The following ATP8A1 variants were observed in gnomAD, a reference collection of about 807,000 sequenced individuals.
ATP8A1 encodes phospholipid-transporting ATPase IA.
ATP8A1 carries 90 observed loss-of-function variants against 177.7 expected under a neutral mutation model. That is an observed-to-expected ratio of 0.51 (90% CI 0.43 to 0.60). The LOEUF (loss-of-function observed/expected upper bound fraction) is 0.60, where lower values mean the gene tolerates loss of function less well. Ranked by LOEUF, ATP8A1 falls within the 20% of genes least tolerant of loss-of-function variation. The probability of loss-of-function intolerance (pLI) is 0.00; values close to 1 mark genes in which losing one functional copy is unlikely to be tolerated. For missense variants in ATP8A1, 1,072 were observed against 1,392.8 expected (o/e 0.77, Z 3.67); for synonymous variants, 493 against 485.9 (o/e 1.01, Z -0.19).
chr4:42,466,182 G>A (rs1352328147), intron 25 of ATP8A1, among the ~76,000 whole-genome samples: 1 of 151,904 alleles, frequency 6.6e-6, no homozygotes. Flanking sequence ...CTAACAAACA[G>A]TTAAGCTAAT....
chr4:42,498,899 C>T (rs1236052037), intron 24 of ATP8A1, among the ~76,000 whole-genome samples: 5 of 152,150 alleles, frequency 3.3e-5, no homozygotes, highest in African/African-American at 1.2e-4. Flanking sequence ...CCAGTGCCGC[C>T]GAGCTACCTG....
intron 8 of ATP8A1, among the ~76,000 whole-genome samples, chr4:42,587,744 C>A (rs1733770845): frequency 6.6e-6 from 1 of 151,738 alleles, no homozygotes; most frequent in African/African-American, 2.4e-5. Flanking sequence ...GTAGCTGGTA[C>A]TACAGGCGCC....
At chr4:42,653,803 T>C (rs1292642659) in intron 1 of ATP8A1, among the ~76,000 whole-genome samples, 2 of 152,240 alleles carry the variant, frequency 1.3e-5, no homozygotes, top group Non-Finnish European at 2.9e-5. Flanking sequence ...CTTTGTAATC[T>C]GGCAGTAATC....
chr4:42,537,452 A>G (rs1727966178), intron 20 of ATP8A1, among the ~76,000 whole-genome samples: 1 of 152,146 alleles, frequency 6.6e-6, no homozygotes, highest in African/African-American at 2.4e-5. Flanking sequence ...AAGGGAATCC[A>G]AACTGATAAA....
intron 25 of ATP8A1, among the ~76,000 whole-genome samples, chr4:42,483,616 C>A (rs576478396): frequency 1.3e-5 from 2 of 152,110 alleles, no homozygotes; most frequent in Non-Finnish European, 2.9e-5. Flanking sequence ...ACAAGGATTT[C>A]GGGAGGGAAT....
intron 25 of ATP8A1, among the ~76,000 whole-genome samples, chr4:42,478,050 G>C (rs2153187338): frequency 6.6e-6 from 1 of 152,124 alleles, no homozygotes; most frequent in African/African-American, 2.4e-5. Context: ...TCAAAAACAT[G>C]TAGAAAAATA....
intron 33 of ATP8A1, among the ~76,000 whole-genome samples, chr4:42,440,335 GT>G (rs35291607): frequency 0.042 from 5,652 of 135,412 alleles, 160 homozygotes; most frequent in African/African-American, 0.074. Flanking sequence ...AGCTCCTCCA[GT>G]TTTTTTTTTT....
At chr4:42,577,448 T>C (rs983377225) in intron 12 of ATP8A1, among the ~76,000 whole-genome samples, 11 of 152,146 alleles carry the variant, frequency 7.2e-5, no homozygotes, top group South Asian at 6.2e-4. Context: ...CAAAAGTATG[T>C]CATATTTTTC....
At chr4:42,421,801 T>C (rs1329718372) in intron 35 of ATP8A1, among the ~76,000 whole-genome samples, 1 of 152,128 alleles carries the variant, frequency 6.6e-6, no homozygotes, top group Non-Finnish European at 1.5e-5. Flanking sequence ...TTTAGTATGA[T>C]AAAAATGAAG....
chr4:42,613,662 C>T (rs1736600454), intron 5 of ATP8A1, among the ~76,000 whole-genome samples: 1 of 152,110 alleles, frequency 6.6e-6, no homozygotes, highest in East Asian at 1.9e-4. Context: ...TGGCTCACTG[C>T]AACCTCCGCC....
At chr4:42,460,928 CAAT>C (rs1719059051) in intron 27 of ATP8A1, among the ~76,000 whole-genome samples, 1 of 152,058 alleles carries the variant, frequency 6.6e-6, no homozygotes, top group Non-Finnish European at 1.5e-5. Context: ...TAGCTTCTGA[CAAT>C]AAGAAGGCAA....
chr4:42,423,633 C>G lies in ATP8A1; in HGVS notation c.3196G>C (p.Asp1066His), dbSNP rs1311293090. 6.2e-7 allele frequency: 1 copy of G among 1,611,560 alleles called. No homozygotes were observed. The highest frequency in any genetic ancestry group is 8.5e-7 in the Non-Finnish European group (1 of 1,178,596). The change falls in exon 34 of 37, where the codon GAT becomes CAT. Residue 1066 changes from aspartate to histidine, a missense_variant. Asp to His is a moderately conservative substitution (Grantham distance 81, BLOSUM62 -1). Coordinates refer to ENST00000381668, the MANE Select transcript of ATP8A1 (RefSeq NM_006095.2). ...TATACTTACACCTTGTACACCACAT[C>G]AAGGAGCAGAGATGCCACAGGGATG... Reference protein sequence around the residue: ...LFIPVASLLLDVVYKVIKRTA... With the variant: ...LFIPVASLLLHVVYKVIKRTA...
chr4:42,535,346 C>G (rs183737508), intron 20 of ATP8A1, among the ~76,000 whole-genome samples: 1 of 152,130 alleles, frequency 6.6e-6, no homozygotes, highest in Admixed American at 6.5e-5. Context: ...AAACATAAAG[C>G]AACAGCAGTA....
At chr4:42,594,113 T>A (rs888122948) in intron 6 of ATP8A1, among the ~76,000 whole-genome samples, 1 of 152,120 alleles carries the variant, frequency 6.6e-6, no homozygotes, top group Admixed American at 6.5e-5. Flanking sequence ...TTATTCTATA[T>A]GGCAAACATG....
chr4:42,504,540 C>T (rs1724174469), intron 23 of ATP8A1, among the ~76,000 whole-genome samples: 1 of 152,216 alleles, frequency 6.6e-6, no homozygotes, highest in African/African-American at 2.4e-5. Flanking sequence ...CATCAAGAAC[C>T]TAACAACTTC....
chr4:42,593,875 T>A (rs1023143168), intron 6 of ATP8A1, among the ~76,000 whole-genome samples: 1 of 152,068 alleles, frequency 6.6e-6, no homozygotes, highest in East Asian at 1.9e-4. Flanking sequence ...GAATCATTCA[T>A]CCATTTTTTT....
At chr4:42,445,580 G>T (rs1394730245) in intron 31 of ATP8A1, among the ~76,000 whole-genome samples, 1 of 152,212 alleles carries the variant, frequency 6.6e-6, no homozygotes, top group African/African-American at 2.4e-5. Flanking sequence ...ATCAATAAAT[G>T]CTTGAAGTGC....
chr4:42,626,850 T>C, intron 2 of ATP8A1, 145 bp downstream of exon 2: 2 of 666,028 alleles, frequency 3.0e-6, no homozygotes, highest in East Asian at 2.7e-5. Context: ...GGAGAGAAGA[T>C]GGGGAAACAG....
At chr4:42,516,601 T>G (rs1384015142) in intron 22 of ATP8A1, among the ~76,000 whole-genome samples, 2 of 152,212 alleles carry the variant, frequency 1.3e-5, no homozygotes, top group African/African-American at 4.8e-5. Flanking sequence ...AAGACATAAT[T>G]GTATTTTTCT....
Sources: allele counts gnomAD v4.1 joint callset (sites outside exome capture counted in the v4.1 genomes callset), GRCh38; gene constraint gnomAD v4.1.1; transcripts MANE v1.5; gene names NCBI Gene and HGNC (gene_info 2026-07-23, HGNC 2026-07-21).